The following PLA2G4E variants were observed in gnomAD, a reference collection of about 807,000 sequenced individuals.
PLA2G4E encodes phospholipase A2 group IVE.
PLA2G4E carries 84 observed loss-of-function variants against 109.1 expected under a neutral mutation model. The ratio of observed to expected loss-of-function variants is 0.77; its 90% confidence interval spans 0.65 to 0.92. The LOEUF (loss-of-function observed/expected upper bound fraction) is 0.92. Among genes scored for constraint, PLA2G4E ranks in the 40% least tolerant of loss-of-function variants. The pLI, the probability that PLA2G4E is intolerant of heterozygous loss-of-function variation, is 0.00. For missense variants in PLA2G4E, 1,057 were observed against 1,076.6 expected (o/e 0.98, Z 0.25); for synonymous variants, 469 against 436.1 (o/e 1.08, Z -0.94).
chr15:41,989,871 C>A lies in PLA2G4E; in HGVS notation c.1585+250G>T, dbSNP rs191072210. The stretch of plus-strand genomic sequence containing the variant: ...GGGCAGCGTAGAAATATCTTCCTTT[C>A]ACAACCTTTGTCTTCCCCAGTGTCA... On this transcript the variant is annotated intron_variant, in intron 14 of 19. Transcript: ENST00000399518. 1.1e-4 allele frequency among the ~76,000 whole-genome samples: 17 copies of A among 152,350 alleles called. No individual in the cohort carries two copies. The East Asian group carries it at 3.1e-3, about 28-fold the overall frequency.
intron 1 of PLA2G4E, among the ~76,000 whole-genome samples, chr15:42,023,188 T>C (rs1316939618): frequency 6.7e-6 from 1 of 149,420 alleles, no homozygotes; most frequent in Non-Finnish European, 1.5e-5. Context: ...AAGGAGGCTT[T>C]GTGAAAGAAC....
intron 1 of PLA2G4E, among the ~76,000 whole-genome samples, chr15:42,017,782 G>T (rs1224885922): frequency 1.3e-5 from 2 of 152,264 alleles, no homozygotes; most frequent in South Asian, 2.1e-4. Context: ...TTCTTCTATG[G>T]CCTGCACTCT....
rs747438422 is a variant in PLA2G4E, at chr15:41,999,878, GAAGT to G, written c.936+35_936+38del. 5.9e-5 allele frequency: 91 copies of G among 1,554,966 alleles called. No homozygotes were observed. In the African/African-American group the frequency reaches 1.2e-3, roughly 20 times the overall value. On this transcript the variant is annotated intron_variant, in intron 9 of 19. Coordinates refer to ENST00000399518, the Ensembl canonical transcript of PLA2G4E. ...CCTCCCTACCACAGGAGCTCCAGGG[GAAGT>G]AAGTCAGGGGCCCTTCCCAGACTCA...
At chr15:42,037,084 G>C (rs983275058) in intron 1 of PLA2G4E, among the ~76,000 whole-genome samples, 2 of 152,358 alleles carry the variant, frequency 1.3e-5, no homozygotes, top group Admixed American at 1.3e-4. Context: ...TGGGGTGGGG[G>C]GTGAGGCCAA....
At chr15:42,011,039 G>A (rs2068530517) in intron 2 of PLA2G4E, among the ~76,000 whole-genome samples, 1 of 152,276 alleles carries the variant, frequency 6.6e-6, no homozygotes, top group South Asian at 2.1e-4. Flanking sequence ...TAGCAACACA[G>A]CCCAGCCTGC....
intron 1 of PLA2G4E, among the ~76,000 whole-genome samples, chr15:42,041,950 C>T (rs1712431): frequency 0.093 from 14,192 of 152,154 alleles, 704 homozygotes; most frequent in South Asian, 0.2. Flanking sequence ...GTCTCATGGA[C>T]GGGGACAATG....
rs1212801322 is a variant in PLA2G4E, at chr15:41,985,833, A to T, written c.2202+6T>A. 1 of 1,607,656 alleles carries T rather than the reference A, an allele frequency of 6.2e-7. No homozygotes were observed. Among genetic ancestry groups the T allele is most frequent in the African/African-American group, 1.3e-5 (1 of 74,966 alleles). ...CCCATGCTCAGGAGGGAGGCTGCGC[A>T]CTTGCCTTTGTCTGGGACCCAGCAC... is the stretch of plus-strand genomic sequence containing the variant. On this transcript the variant is annotated splice_donor_region_variant and intron_variant, in intron 18 of 19. Coordinates refer to ENST00000399518, the Ensembl canonical transcript of PLA2G4E.
intron 1 of PLA2G4E, among the ~76,000 whole-genome samples, chr15:42,042,913 G>C (rs1889340589): frequency 6.6e-6 from 1 of 152,226 alleles, no homozygotes. Flanking sequence ...GGTATGAAAA[G>C]GGCAGTCAAG....
intron 7 of PLA2G4E, among the ~76,000 whole-genome samples, 153 bp from the exon 8 acceptor site, chr15:42,000,435 G>A (rs1402305944): frequency 6.6e-6 from 1 of 152,174 alleles, no homozygotes; most frequent in Admixed American, 6.5e-5. Context: ...CAATCTATAG[G>A]GTAGGGCAGG....
intron 5 of PLA2G4E, among the ~76,000 whole-genome samples, chr15:42,003,862 C>T (rs1158974223): frequency 6.7e-6 from 1 of 150,306 alleles, no homozygotes; most frequent in African/African-American, 2.4e-5. Flanking sequence ...GCGGGGGTTG[C>T]CTTTCTTTCT....
chr15:42,013,102 G>A (rs2068553878), intron 2 of PLA2G4E, among the ~76,000 whole-genome samples: 1 of 152,206 alleles, frequency 6.6e-6, no homozygotes, highest in Admixed American at 6.5e-5. Context: ...GGGCTGCCAG[G>A]AAACAGCACT....
At chr15:42,012,967 A>C (rs28438695) in intron 2 of PLA2G4E, among the ~76,000 whole-genome samples, 4 of 152,078 alleles carry the variant, frequency 2.6e-5, no homozygotes, top group African/African-American at 4.8e-5. Context: ...AGGGGCTTTC[A>C]GTTCTCCTGA....
chr15:42,015,701 C>T (rs1704370), intron 1 of PLA2G4E, among the ~76,000 whole-genome samples: 103,073 of 152,124 alleles, frequency 0.68, 36,754 homozygotes, highest in Non-Finnish European at 0.79. Context: ...TGGCTACAGG[C>T]TGTTGCTTTC....
Position 41,997,278 on chromosome 15 carries a change from C to T in PLA2G4E, c.975-19G>A, listed in dbSNP as rs538320435. 2.6e-6 allele frequency: 4 copies of T among 1,529,836 alleles called. No individual in the cohort carries two copies. The highest frequency in any genetic ancestry group is 2.8e-5 in the African/African-American group (2 of 72,356). The allele number at this position is 1,529,836 out of a possible 1,614,324, so 94.8% of individuals were successfully genotyped here. A position where few individuals can be genotyped will look rare whatever the true frequency, so the allele number is the denominator to read the frequency against. ...CTCAGGGCTGGAGGGAGAGAGGACC[C>T]TGTATTGGGCCTGCAGCCTCTACCT... On this transcript the variant is annotated intron_variant, in intron 10 of 19. Coordinates refer to ENST00000399518, the Ensembl canonical transcript of PLA2G4E.
intron 2 of PLA2G4E, chr15:42,010,144 C>CG: frequency 2.0e-6 from 1 of 497,234 alleles, no homozygotes. Context: ...CCCCCCACCC[C>CG]GGGCCTGGAC....
chr15:41,989,516 T>C, exon 15 of PLA2G4E: 2 of 1,613,908 alleles, frequency 1.2e-6, no homozygotes. Context: ...CCCATACTTC[T>C]GCAGGCCCAC....
At chr15:42,007,379 C>A (rs2068487516) in intron 3 of PLA2G4E, among the ~76,000 whole-genome samples, 1 of 152,188 alleles carries the variant, frequency 6.6e-6, no homozygotes. Flanking sequence ...ATTAGACTGG[C>A]CTCAGACCTA....
At chr15:42,009,914 T>G in intron 2 of PLA2G4E, 1 of 173,680 alleles carries the variant, frequency 5.8e-6, no homozygotes, top group Admixed American at 6.1e-5. Context: ...GAGCCCAGAG[T>G]CCTCTGTTCC....
chr15:41,984,725 GC>G (rs2068113368), intron 18 of PLA2G4E, 106 bp from the exon 19 acceptor site: 1 of 1,070,708 alleles, frequency 9.3e-7, no homozygotes, highest in Admixed American at 2.9e-5. Flanking sequence ...TAACAACTCA[GC>G]TCCCCAACTG....
Sources: allele counts gnomAD v4.1 joint callset (sites outside exome capture counted in the v4.1 genomes callset), GRCh38; gene constraint gnomAD v4.1.1; transcripts MANE v1.5; gene names NCBI Gene and HGNC (gene_info 2026-07-23, HGNC 2026-07-21).